Variants in SH3PXD2B observed in about 807,000 individuals in gnomAD.
The protein encoded by SH3PXD2B is SH3 and PX domain-containing protein 2B.
In SH3PXD2B, 37 loss-of-function variants were observed where a neutral mutation model predicts 73.1. The ratio of observed to expected loss-of-function variants is 0.51; its 90% confidence interval spans 0.39 to 0.67. SH3PXD2B has a LOEUF of 0.67. Among genes scored for constraint, SH3PXD2B ranks in the 30% least tolerant of loss-of-function variants. The pLI, the probability that SH3PXD2B is intolerant of heterozygous loss-of-function variation, is 0.00. For missense variants in SH3PXD2B, 1,053 were observed against 1,197.8 expected, an observed-to-expected ratio of 0.88 and a Z score of 1.78; for synonymous variants, 457 against 480.5, an observed-to-expected ratio of 0.95 and a Z score of 0.64.
chr5:172,338,552 C>T lies in SH3PXD2B; in HGVS notation c.2553G>A (p.Lys851=). The T allele has an allele frequency of 6.2e-7, 1 of 1,614,194 alleles. No individual in the cohort carries two copies. The highest frequency in any genetic ancestry group is 8.5e-7 in the Non-Finnish European group (1 of 1,180,018). ...CGGCCACGGCCACATACAAAGAGTC[C>T]TTCAGGCCGTCGGCATTGGGGACAG... ...AASVPNADGL[K]DSLYVAVADF... The change falls in exon 13 of 13, where the codon AAG becomes AAA. Residue 851 remains lysine (K), a synonymous_variant. Coordinates refer to ENST00000311601, the MANE Select transcript of SH3PXD2B (RefSeq NM_001017995.3). The surrounding 1 kb of genome is among the most constrained non-coding windows in gnomAD (Gnocchi z 5.1).
At chr5:172,329,078 TATATA>T (rs1439883948), downstream of SH3PXD2B, among the ~76,000 whole-genome samples, 2 of 89,792 alleles carry the variant, frequency 2.2e-5, no homozygotes, top group African/African-American at 8.6e-5. Flanking sequence ...TATATATATA[TATATA>T]TTTTTTTTTT....
intron 2 of SH3PXD2B, among the ~76,000 whole-genome samples, chr5:172,415,084 A>G (rs992670961): frequency 2.6e-5 from 4 of 151,990 alleles, no homozygotes; most frequent in Non-Finnish European, 5.9e-5. Context: ...TTCCCACTAC[A>G]CTGGAAGCTT....
intron 1 of SH3PXD2B, among the ~76,000 whole-genome samples, chr5:172,431,405 TG>T (rs1759236505): frequency 6.6e-6 from 1 of 152,176 alleles, no homozygotes; most frequent in South Asian, 2.1e-4. Flanking sequence ...GAGCCTGGCT[TG>T]GCTTCGGGTA....
chr5:172,450,573 A>G (rs1168060883), intron 1 of SH3PXD2B, among the ~76,000 whole-genome samples: 1 of 152,068 alleles, frequency 6.6e-6, no homozygotes, highest in East Asian at 1.9e-4. Flanking sequence ...GACCACTGTT[A>G]TTCTTGCTGC....
intron 8 of SH3PXD2B, among the ~76,000 whole-genome samples, chr5:172,354,241 G>C (rs970309401): frequency 6.6e-6 from 1 of 152,194 alleles, no homozygotes; most frequent in Admixed American, 6.5e-5. Flanking sequence ...AGCCTCACCT[G>C]CTTCAATCTG....
intron 2 of SH3PXD2B, among the ~76,000 whole-genome samples, chr5:172,408,058 C>T (rs1758603082): frequency 6.6e-6 from 1 of 152,142 alleles, no homozygotes; most frequent in African/African-American, 2.4e-5. Flanking sequence ...ATGCCCTGGG[C>T]AGGTGAGTCA....
At chr5:172,433,954 C>T (rs1759311332) in intron 1 of SH3PXD2B, among the ~76,000 whole-genome samples, 2 of 152,256 alleles carry the variant, frequency 1.3e-5, no homozygotes, top group South Asian at 4.2e-4. Flanking sequence ...CTCCCAGTGT[C>T]CAGAGGGCCC....
chr5:172,394,153 C>T (rs1197356220), intron 4 of SH3PXD2B, among the ~76,000 whole-genome samples: 1 of 152,154 alleles, frequency 6.6e-6, no homozygotes, highest in Non-Finnish European at 1.5e-5. Context: ...CATGTTTGGT[C>T]AGGCTGGTCT....
chr5:172,386,409 C>T (rs1247276458), intron 4 of SH3PXD2B, among the ~76,000 whole-genome samples: 2 of 152,094 alleles, frequency 1.3e-5, no homozygotes, highest in African/African-American at 2.4e-5. Flanking sequence ...GGAGAAGGTT[C>T]ATGTTTTCTC....
At chr5:172,411,406 T>G (rs1269537529) in intron 2 of SH3PXD2B, among the ~76,000 whole-genome samples, 1 of 152,168 alleles carries the variant, frequency 6.6e-6, no homozygotes, top group Non-Finnish European at 1.5e-5. Flanking sequence ...CCTGACTTGA[T>G]TTTACCCAGA....
rs149515518 is a variant in SH3PXD2B, at chr5:172,334,825, A to C, written c.*3544T>G. 577 of 985,402 alleles carry C rather than the reference A, an allele frequency of 5.9e-4. 1 individual carries two copies. In the African/African-American group the frequency reaches 9.5e-3, roughly 16 times the overall value. The allele number at this position is 985,402 out of a possible 1,614,324, so 61.0% of individuals were successfully genotyped here. A position where few individuals can be genotyped will look rare whatever the true frequency, so the allele number is the denominator to read the frequency against. On this transcript the variant is annotated 3_prime_UTR_variant, in exon 13 of 13. Coordinates refer to ENST00000311601, the MANE Select transcript of SH3PXD2B (RefSeq NM_001017995.3). The stretch of plus-strand genomic sequence containing the variant: ...TGGCACACTCAGCACTTGCTCTTTA[A>C]CGTGGCATATGTTCCCCCATCTTCC...
chr5:172,454,302 C>T lies in SH3PXD2B; in HGVS notation c.51G>A (p.Lys17=). ...CATAATGCTTGTTGGGCACCCGCCG[C>T]TTCTGCACGTCTAGCACCTTCACCT... The part of the protein sequence containing the change: ...IVEVKVLDVQ[K]RRVPNKHYVY... Residue 17 remains lysine, a synonymous_variant, in exon 1 of 13, where the codon AAG becomes AAA. Transcript: ENST00000311601. 1 of 1,602,390 alleles carries T rather than the reference C, an allele frequency of 6.2e-7. No individual in the cohort carries two copies. The highest frequency in any genetic ancestry group is 1.1e-5 in the South Asian group (1 of 90,532).
chr5:172,374,622 A>C (rs1757783680), intron 5 of SH3PXD2B, among the ~76,000 whole-genome samples: 1 of 152,176 alleles, frequency 6.6e-6, no homozygotes, highest in Non-Finnish European at 1.5e-5. Context: ...GTGGAGGTGC[A>C]GTGAGCCGAG....
chr5:172,400,932 A>C (rs1758409053), intron 3 of SH3PXD2B, among the ~76,000 whole-genome samples: 1 of 152,186 alleles, frequency 6.6e-6, no homozygotes, highest in Non-Finnish European at 1.5e-5. Context: ...GCAAATTCTA[A>C]AAAGATCTAA....
chr5:172,333,040 A>G (rs1756592936), downstream of SH3PXD2B, among the ~76,000 whole-genome samples: 1 of 151,582 alleles, frequency 6.6e-6, no homozygotes, highest in South Asian at 2.1e-4. Flanking sequence ...GGTTCAAACA[A>G]TTCTCCTGCC....
chr5:172,392,760 G>A (rs888972317), intron 4 of SH3PXD2B, among the ~76,000 whole-genome samples: 1 of 152,200 alleles, frequency 6.6e-6, no homozygotes, highest in Non-Finnish European at 1.5e-5. Context: ...ACTCCAGCCT[G>A]GGCAACAGGG....
chr5:172,436,844 G>A (rs748025559), intron 1 of SH3PXD2B, among the ~76,000 whole-genome samples: 1 of 152,178 alleles, frequency 6.6e-6, no homozygotes, highest in Non-Finnish European at 1.5e-5. Flanking sequence ...CTCTGGGCTC[G>A]AGGAGTAGTG....
intron 6 of SH3PXD2B, 24 bp downstream of exon 6, chr5:172,373,766 G>C (rs1237518430): frequency 6.2e-7 from 1 of 1,611,184 alleles, no homozygotes; most frequent in Admixed American, 1.7e-5. Flanking sequence ...TGAACGAAGA[G>C]AAGAAAATAG....
intron 2 of SH3PXD2B, among the ~76,000 whole-genome samples, chr5:172,412,635 C>A (rs1040481111): frequency 1.3e-5 from 2 of 152,102 alleles, no homozygotes; most frequent in Admixed American, 6.6e-5. Context: ...CTTGGTGTGT[C>A]CAGGTTTACG....
Sources: gnomAD v4.1 joint callset for allele counts (sites outside exome capture counted in the v4.1 genomes callset) on GRCh38, gnomAD v4.1.1 for gene constraint, Gnocchi (gnomAD v3.1) non-coding constraint, MANE v1.5 for transcripts, NCBI Gene and HGNC (gene_info 2026-07-23, HGNC 2026-07-21) for gene names.